The following LRRTM4 variants were observed in gnomAD, a reference collection of about 807,000 sequenced individuals.
The protein encoded by LRRTM4 is leucine rich repeat transmembrane neuronal 4.
LRRTM4 carries 25 observed loss-of-function variants against 47.6 expected under a neutral mutation model. The ratio of observed to expected loss-of-function variants is 0.53; its 90% CI spans 0.38 to 0.73. The LOEUF (loss-of-function observed/expected upper bound fraction) is 0.73, where lower values mean the gene tolerates loss of function less well. Ranked by LOEUF, LRRTM4 falls within the 30% of genes least tolerant of loss-of-function variation. The probability of loss-of-function intolerance (pLI) is 0.00; values close to 1 mark genes in which losing one functional copy is unlikely to be tolerated. For missense variants in LRRTM4, 638 were observed against 713.4 expected (o/e 0.89, Z 1.20); for synonymous variants, 311 against 269.5 (o/e 1.15, Z -1.51).
At chr2:77,281,885 A>C (rs1676515592) in intron 3 of LRRTM4, among the ~76,000 whole-genome samples, 1 of 151,922 alleles carries the variant, frequency 6.6e-6, no homozygotes, top group Non-Finnish European at 1.5e-5. Flanking sequence ...CTACATAAAA[A>C]AATTAAAATA....
At chr2:77,270,106 G>T (rs1199872637) in intron 3 of LRRTM4, among the ~76,000 whole-genome samples, 1 of 152,200 alleles carries the variant, frequency 6.6e-6, no homozygotes, top group African/African-American at 2.4e-5. Context: ...TGATAAGGCA[G>T]CACTTATACA....
At chr2:77,031,762 A>C (rs557965472) in intron 3 of LRRTM4, among the ~76,000 whole-genome samples, 4 of 152,040 alleles carry the variant, frequency 2.6e-5, no homozygotes, top group Non-Finnish European at 5.9e-5. Flanking sequence ...ACAGAGAGAG[A>C]GCGCGCACAA....
At chr2:76,869,698 G>A (rs992121519) in intron 3 of LRRTM4, among the ~76,000 whole-genome samples, 10 of 152,004 alleles carry the variant, frequency 6.6e-5, no homozygotes, top group African/African-American at 2.4e-4. Flanking sequence ...ATAACTGGAG[G>A]CAAAATACAT....
intron 3 of LRRTM4, among the ~76,000 whole-genome samples, chr2:77,115,199 T>C (rs1671356315): frequency 6.6e-6 from 1 of 152,200 alleles, no homozygotes; most frequent in Admixed American, 6.5e-5. Flanking sequence ...TGTCCGTTTA[T>C]AGGTTCCCTG....
At chr2:76,811,776 C>G (rs1265690889) in intron 3 of LRRTM4, among the ~76,000 whole-genome samples, 2 of 152,040 alleles carry the variant, frequency 1.3e-5, no homozygotes, top group South Asian at 2.1e-4. Context: ...TTTTACCTGT[C>G]CTGAACAACA....
chr2:77,221,377 G>A (rs1393006363), intron 3 of LRRTM4, among the ~76,000 whole-genome samples: 2 of 152,268 alleles, frequency 1.3e-5, no homozygotes, highest in East Asian at 3.9e-4. Flanking sequence ...AATGTAAATG[G>A]GCTAAGTGCT....
chr2:77,074,433 G>T (rs1035524791), intron 3 of LRRTM4, among the ~76,000 whole-genome samples: 1 of 152,026 alleles, frequency 6.6e-6, no homozygotes, highest in Admixed American at 6.6e-5. Flanking sequence ...ATTAGTAGTA[G>T]TAAGATCATA....
intron 3 of LRRTM4, among the ~76,000 whole-genome samples, chr2:77,284,611 T>A (rs996049104): frequency 2.6e-5 from 4 of 152,072 alleles, no homozygotes; most frequent in Admixed American, 2.6e-4. Context: ...TCTGATGCTG[T>A]TTCTCTATTC....
intron 3 of LRRTM4, among the ~76,000 whole-genome samples, chr2:77,055,627 T>C (rs563331153): frequency 3.9e-4 from 59 of 152,272 alleles, no homozygotes; most frequent in Non-Finnish European, 4.0e-4. Context: ...TGGAAGTCAG[T>C]GTGGCGATTC....
intron 3 of LRRTM4, among the ~76,000 whole-genome samples, chr2:76,864,400 G>C (rs553976686): frequency 1.3e-5 from 2 of 152,304 alleles, no homozygotes; most frequent in African/African-American, 2.4e-5. Flanking sequence ...GCTCATGCCT[G>C]TAATCCAAGC....
intron 3 of LRRTM4, among the ~76,000 whole-genome samples, chr2:76,930,331 C>T (rs908824391): frequency 6.6e-6 from 1 of 152,104 alleles, no homozygotes; most frequent in African/African-American, 2.4e-5. Context: ...CGTGTGCACG[C>T]ATGCGTGCAC....
intron 3 of LRRTM4, among the ~76,000 whole-genome samples, chr2:77,445,500 C>T (rs1243109374): frequency 4.6e-5 from 7 of 151,750 alleles, no homozygotes; most frequent in Admixed American, 4.6e-4. Context: ...CTCCTTTTTC[C>T]CAAGCTTTCT....
chr2:76,908,898 T>C (rs1398527009), intron 3 of LRRTM4, among the ~76,000 whole-genome samples: 2 of 152,092 alleles, frequency 1.3e-5, no homozygotes, highest in African/African-American at 2.4e-5. Flanking sequence ...GAGTCAATAT[T>C]GTGAAAATGG....
intron 3 of LRRTM4, among the ~76,000 whole-genome samples, chr2:76,987,877 C>T (rs1006895164): frequency 3.3e-5 from 5 of 151,668 alleles, no homozygotes; most frequent in Non-Finnish European, 7.4e-5. Context: ...TATAGTCACC[C>T]ATATGCCCAA....
At chr2:77,417,329 T>C (rs1044411218) in intron 3 of LRRTM4, among the ~76,000 whole-genome samples, 4 of 152,094 alleles carry the variant, frequency 2.6e-5, no homozygotes, top group Non-Finnish European at 4.4e-5. Flanking sequence ...TGGAAGTCAG[T>C]GTGGCGATTC....
At chr2:77,300,993 C>T (rs1275981217) in intron 3 of LRRTM4, among the ~76,000 whole-genome samples, 1 of 151,874 alleles carries the variant, frequency 6.6e-6, no homozygotes, top group Non-Finnish European at 1.5e-5. Context: ...GATAGATGCA[C>T]TTTTTTTCTT....
intron 3 of LRRTM4, among the ~76,000 whole-genome samples, chr2:77,206,885 G>A (rs2103912321): frequency 6.6e-6 from 1 of 151,868 alleles, no homozygotes; most frequent in Middle Eastern, 3.4e-3. Context: ...AGGCAGCGTG[G>A]GTCACATTTC....
chr2:77,223,892 G>A lies in LRRTM4; in HGVS notation c.1551+294426C>T, dbSNP rs190699025. On this transcript the variant is annotated intron_variant, in intron 3 of 3. Transcript: ENST00000409884. ...TTCATATGGAACCAAAAAAGAGCAC[G>A]CATTGCCAAGACAATCCTAAGCCAA... Among the ~76,000 whole-genome samples, 714 of 152,080 alleles carry A rather than the reference G, an allele frequency of 4.7e-3. 1 individual carries two copies. Among genetic ancestry groups the A allele is most frequent in the African/African-American group, 0.013 (555 of 41,516 alleles).
Position 77,474,816 on chromosome 2 carries a change from C to T in LRRTM4, c.1551+43502G>A, listed in dbSNP as rs184464116. ...ATCAGTGATTCTTTCATATTGTGCT[C>T]ATTACAAATAATAAAGGGTAAATAT... is the stretch of plus-strand genomic sequence containing the variant. On this transcript the variant is annotated intron_variant, in intron 3 of 3. Coordinates refer to ENST00000409884, the MANE Select transcript of LRRTM4 (RefSeq NM_001134745.3). Among the ~76,000 whole-genome samples, 59 of 152,088 alleles carry T rather than the reference C, an allele frequency of 3.9e-4. 1 individual carries two copies. The highest frequency in any genetic ancestry group is 1.3e-3 in the African/African-American group (52 of 41,532).
Sources: allele counts gnomAD v4.1 joint callset (sites outside exome capture counted in the v4.1 genomes callset), GRCh38; gene constraint gnomAD v4.1.1; transcripts MANE v1.5; gene names NCBI Gene and HGNC (gene_info 2026-07-23, HGNC 2026-07-21).